The following MRC2 variants were observed in gnomAD, a reference collection of about 807,000 sequenced individuals.
The protein encoded by MRC2 is mannose receptor C-type 2, also known as C-type mannose receptor 2.
MRC2 carries 84 observed loss-of-function variants against 206.2 expected under a neutral mutation model. The observed-to-expected ratio is 0.41, with a 90% CI of 0.34 to 0.49. The LOEUF (loss-of-function observed/expected upper bound fraction) is 0.49. Ranked by LOEUF, MRC2 falls within the 20% of genes least tolerant of loss-of-function variation. The pLI is 0.31. For synonymous variants in MRC2, 798 were observed against 800.0 expected (o/e 1.00, Z 0.04); for missense variants, 1,676 against 2,001.5 (o/e 0.84, Z 3.10).
At position 62,688,840 on chromosome 17, in the gene MRC2, C is replaced by G. The variant is rs1192407962; in HGVS notation, c.3226-12C>G. The G allele has an allele frequency of 6.2e-7, 1 of 1,600,168 alleles. No homozygotes were observed. The highest frequency in any genetic ancestry group is 1.1e-5 in the South Asian group (1 of 89,736). On this transcript the variant is annotated splice_polypyrimidine_tract_variant and intron_variant, in intron 22 of 29. Coordinates refer to ENST00000303375, the MANE Select transcript of MRC2 (RefSeq NM_006039.5). Reference sequence around the variant, plus strand: ...GCTGCTGGGGCTCCCCTGAGCAGCTCCCTCCCCCCAGACCAGCTGTGCAGT... The same window carrying G: ...GCTGCTGGGGCTCCCCTGAGCAGCTGCCTCCCCCCAGACCAGCTGTGCAGT...
intron 1 of MRC2, among the ~76,000 whole-genome samples, chr17:62,656,462 G>A (rs1413336587): frequency 6.6e-6 from 1 of 152,212 alleles, no homozygotes; most frequent in Non-Finnish European, 1.5e-5. Context: ...AAAGTGCAGG[G>A]ATTACAGGCA....
chr17:62,646,334 C>T (rs573871254), intron 1 of MRC2, among the ~76,000 whole-genome samples: 10 of 151,740 alleles, frequency 6.6e-5, no homozygotes, highest in Non-Finnish European at 1.3e-4. Flanking sequence ...CCCTCTCTCT[C>T]TTTTTTTAAG....
chr17:62,656,443 T>C (rs2088620347), intron 1 of MRC2, among the ~76,000 whole-genome samples: 1 of 152,184 alleles, frequency 6.6e-6, no homozygotes, highest in African/African-American at 2.4e-5. Context: ...CTTCCCACCT[T>C]AGCCTTTCAA....
chr17:62,627,904 G>A lies in MRC2; in HGVS notation c.102G>A (p.Gly34=). The change falls in exon 1 of 30, where the codon GGG becomes GGA. Residue 34 remains glycine (G), a synonymous_variant. Coordinates refer to ENST00000303375, the MANE Select transcript of MRC2 (RefSeq NM_006039.5). The stretch of plus-strand genomic sequence containing the variant: ...ACCTCGGCCGTCCCGGCGCCCCTGG[G>A]GACGCCGCCCTCCCGGGTAAGGCGC... ...CLHLGRPGAP[G]DAALPEPNVF... 1 of 1,466,878 alleles carries A rather than the reference G, an allele frequency of 6.8e-7. No individual in the cohort carries two copies. Among genetic ancestry groups the A allele is most frequent in the Non-Finnish European group, 9.0e-7 (1 of 1,116,088 alleles). The allele number at this position is 1,466,878 out of a possible 1,614,324, so 90.9% of individuals were successfully genotyped here. A position where few individuals can be genotyped will look rare whatever the true frequency, so the allele number is the denominator to read the frequency against.
Position 62,675,892 on chromosome 17 carries a change from A to C in MRC2, c.1672A>C (p.Thr558Pro). Residue 558 changes from threonine to proline, a missense_variant, in exon 10 of 30, where the codon ACC (threonine) becomes CCC (proline). This residue lies in a region of MRC2 where 1,354 missense variants were observed against 1,636.6 expected (regional missense o/e 0.83). Coordinates refer to ENST00000303375, the MANE Select transcript of MRC2 (RefSeq NM_006039.5). This position sits in a 1 kb window ranked among gnomAD's most constrained non-coding sequence, Gnocchi z 4.1. ...LCTDHGSQLV[T>P]ITNRFEQAFV... The stretch of plus-strand genomic sequence containing the variant: ...CACTGACCATGGCTCTCAGCTGGTC[A>C]CCATCACCAACAGGTACAGCAGGGG... 3.1e-6 allele frequency: 5 copies of C among 1,614,046 alleles called. No homozygotes were observed. Among genetic ancestry groups the C allele is most frequent in the Non-Finnish European group, 4.2e-6 (5 of 1,179,954 alleles).
rs2088947321 is a variant in MRC2, at chr17:62,680,323, C to T, written c.2437+15C>T. 1 of 1,613,584 alleles carries T rather than the reference C, an allele frequency of 6.2e-7. No individual in the cohort carries two copies. The highest frequency in any genetic ancestry group is 1.3e-5 in the African/African-American group (1 of 74,898). ...GATCCCCAGAGGTTGGCCGGAGTGG[C>T]GCTGGGGGACGCGGGATGGAGCGAA... On this transcript the variant is annotated intron_variant, in intron 15 of 29. Coordinates refer to ENST00000303375, the MANE Select transcript of MRC2 (RefSeq NM_006039.5). The surrounding 1 kb of genome is among the most constrained non-coding windows in gnomAD (Gnocchi z 4.8).
chr17:62,675,691 G>T lies in MRC2; in HGVS notation c.1570-99G>T. 1 of 935,870 alleles carries T rather than the reference G, an allele frequency of 1.1e-6. No homozygotes were observed. The highest frequency in any genetic ancestry group is 1.7e-5 in the Admixed American group (1 of 57,284). The allele number at this position is 935,870 out of a possible 1,614,324, so 58.0% of individuals were successfully genotyped here. On this transcript the variant is annotated intron_variant, in intron 9 of 29. Transcript: ENST00000303375. This position sits in a 1 kb window ranked among gnomAD's most constrained non-coding sequence, Gnocchi z 4.1. ...GTCCCCTCCGTCCTGAGCACGTTCA[G>T]TGATGTCCCTGATGGCATCTCCCAC... is the stretch of plus-strand genomic sequence containing the variant.
chr17:62,650,154 C>T (rs1007544703), intron 1 of MRC2, among the ~76,000 whole-genome samples: 2 of 152,196 alleles, frequency 1.3e-5, no homozygotes, highest in Non-Finnish European at 2.9e-5. Context: ...CTCTGCCTCC[C>T]AAAATGCTGG....
Position 62,667,148 on chromosome 17 carries a change from G to C in MRC2, c.974-242G>C, listed in dbSNP as rs925906303. ...CACCAGCGCACCCAGCAGCCTGGAC[G>C]GGGAGGCCGGGGCGGGGCTGGTACT... On this transcript the variant is annotated intron_variant, in intron 5 of 29. Transcript: ENST00000303375. The surrounding 1 kb of genome is among the most constrained non-coding windows in gnomAD (Gnocchi z 4.1). Among the ~76,000 whole-genome samples, 2 of 152,164 alleles carry C rather than the reference G, an allele frequency of 1.3e-5. No homozygotes were observed. The highest frequency in any genetic ancestry group is 2.9e-5 in the Non-Finnish European group (2 of 68,022).
intron 10 of MRC2, 99 bp from the exon 11 acceptor site, chr17:62,676,284 C>A: frequency 1.4e-6 from 2 of 1,465,664 alleles, no homozygotes; most frequent in South Asian, 1.3e-5. Context: ...AGTTATTGGT[C>A]GGGTGCAGCA....
intron 1 of MRC2, among the ~76,000 whole-genome samples, chr17:62,635,650 C>T (rs1043347043): frequency 2.0e-5 from 3 of 152,152 alleles, no homozygotes; most frequent in Non-Finnish European, 4.4e-5. Context: ...TGTTCATTGG[C>T]CTCAATTGTA....
chr17:62,680,784 C>T lies in MRC2; in HGVS notation c.2474-16C>T. The T allele has an allele frequency of 6.3e-7, 1 of 1,592,576 alleles. No homozygotes were observed. Among genetic ancestry groups the T allele is most frequent in the Non-Finnish European group, 8.5e-7 (1 of 1,169,860 alleles). ...TCTGCCTGGCCGCCGCTCCCACGCCCGCGCTGCTCCTGCAGGCCGACGGGA... is the reference window on the plus strand; with the variant it reads ...TCTGCCTGGCCGCCGCTCCCACGCCTGCGCTGCTCCTGCAGGCCGACGGGA... On this transcript the variant is annotated splice_polypyrimidine_tract_variant and intron_variant, in intron 16 of 29. Transcript: ENST00000303375. This position sits in a 1 kb window ranked among gnomAD's most constrained non-coding sequence, Gnocchi z 4.8.
intron 1 of MRC2, chr17:62,661,529 TCTTTC>T (rs2088680395): frequency 6.6e-6 from 1 of 151,072 alleles, no homozygotes; most frequent in African/African-American, 2.5e-5. Flanking sequence ...TCTTTCTTTC[TCTTTC>T]TTTTTCTTTC....
Position 62,692,036 on chromosome 17 carries a change from T to A in MRC2, c.4193-76T>A. The A allele has an allele frequency of 6.2e-7, 1 of 1,601,390 alleles. No individual in the cohort carries two copies. Among genetic ancestry groups the A allele is most frequent in the Non-Finnish European group, 8.6e-7 (1 of 1,169,386 alleles). On this transcript the variant is annotated intron_variant, in intron 28 of 29. Transcript: ENST00000303375. The surrounding 1 kb of genome is among the most constrained non-coding windows in gnomAD (Gnocchi z 4.2). ...CCAGACCTCCCGGCCCAGGCCTGTG[T>A]GCTTTGTATGTTTACTTAAGTGATT... is the stretch of plus-strand genomic sequence containing the variant.
At chr17:62,682,196 T>C in intron 19 of MRC2, 39 bp from the exon 20 acceptor site, 2 of 1,519,122 alleles carry the variant, frequency 1.3e-6, no homozygotes, top group Non-Finnish European at 1.8e-6. Flanking sequence ...TGCCCTGCTC[T>C]GCCCTGGGGG....
Position 62,638,178 on chromosome 17 carries a change from AGTAAATATTTGTT to A in MRC2, c.118+10260_118+10272del, listed in dbSNP as rs113817940. ...ATGAGGCTGGCATTTGGTATTATTT[AGTAAATATTTGTT>A]GAAAATGAGAAAAGAAAGACAAGTG... On this transcript the variant is annotated intron_variant, in intron 1 of 29. Coordinates refer to ENST00000303375, the MANE Select transcript of MRC2 (RefSeq NM_006039.5). Among the ~76,000 whole-genome samples, 468 of 152,312 alleles carry A rather than the reference AGTAAATATTTGTT, an allele frequency of 3.1e-3. 2 individuals are homozygous for A. The highest frequency in any genetic ancestry group is 0.01 in the African/African-American group (430 of 41,562).
At chr17:62,637,029 C>T (rs1042276872) in intron 1 of MRC2, among the ~76,000 whole-genome samples, 1 of 152,198 alleles carries the variant, frequency 6.6e-6, no homozygotes, top group Non-Finnish European at 1.5e-5. Flanking sequence ...GCCAGGTTAG[C>T]GCTGCTAAGG....
chr17:62,638,878 C>T (rs1018774483), intron 1 of MRC2, among the ~76,000 whole-genome samples: 1 of 152,092 alleles, frequency 6.6e-6, no homozygotes, highest in Non-Finnish European at 1.5e-5. Context: ...GAGATCGTGC[C>T]ACTGCACTCC....
chr17:62,674,275 C>A, intron 9 of MRC2, 105 bp downstream of exon 9: 1 of 757,778 alleles, frequency 1.3e-6, no homozygotes, highest in South Asian at 1.9e-5. Context: ...GCATCGCCCT[C>A]TCGTCGGCAC....
Sources: allele counts gnomAD v4.1 joint callset (sites outside exome capture counted in the v4.1 genomes callset), GRCh38; gene constraint gnomAD v4.1.1; regional missense constraint gnomAD v4.1.1; non-coding constraint Gnocchi (gnomAD v3.1); transcripts MANE v1.5; gene names NCBI Gene and HGNC (gene_info 2026-07-23, HGNC 2026-07-21).